The following UNC13C variants were observed in gnomAD, a reference collection of about 807,000 sequenced individuals.
UNC13C encodes protein unc-13 homolog C.
A neutral mutation model predicts 245.4 loss-of-function variants in UNC13C; 174 were observed. The ratio of observed to expected loss-of-function variants is 0.71; its 90% CI spans 0.63 to 0.80. UNC13C has a LOEUF of 0.80. UNC13C is among the 30% of genes least tolerant of loss of function. The pLI is 0.00. For synonymous variants in UNC13C, 992 were observed against 895.1 expected, an observed-to-expected ratio of 1.11 and a Z score of -1.93; for missense variants, 2,829 against 2,602.9, an observed-to-expected ratio of 1.09 and a Z score of -1.89.
upstream of UNC13C, among the ~76,000 whole-genome samples, chr15:53,975,189 T>C (rs1299826361): frequency 6.6e-6 from 1 of 152,230 alleles, no homozygotes; most frequent in Admixed American, 6.5e-5. Flanking sequence ...TGGAAAGCTT[T>C]AATTTAAGAA....
chr15:54,339,804 C>A (rs1335254035), intron 17 of UNC13C, among the ~76,000 whole-genome samples: 1 of 151,930 alleles, frequency 6.6e-6, no homozygotes, highest in Non-Finnish European at 1.5e-5. Context: ...GGGTAGATAC[C>A]CAGTAGTGAG....
chr15:54,457,907 C>CTT (rs904615659), intron 19 of UNC13C, among the ~76,000 whole-genome samples: 10 of 93,956 alleles, frequency 1.1e-4, no homozygotes, highest in African/African-American at 3.5e-4. Context: ...TTTTTTTTTC[C>CTT]TTTTTTTTTT....
At chr15:54,450,459 C>T (rs1299554776) in intron 19 of UNC13C, among the ~76,000 whole-genome samples, 1 of 152,242 alleles carries the variant, frequency 6.6e-6, no homozygotes, top group Non-Finnish European at 1.5e-5. Context: ...CCTACTCAAG[C>T]CTCAGCAATG....
At chr15:53,991,610 G>T (rs1471649731) in intron 1 of UNC13C, among the ~76,000 whole-genome samples, 1 of 151,914 alleles carries the variant, frequency 6.6e-6, no homozygotes, top group Non-Finnish European at 1.5e-5. Context: ...TCTTTTGCTT[G>T]TATAAATTAA....
the UNC13C span, among the ~76,000 whole-genome samples, chr15:53,915,638 GTAAA>G: frequency 6.6e-6 from 1 of 152,156 alleles, no homozygotes; most frequent in Non-Finnish European, 1.5e-5. Flanking sequence ...AATATGATTA[GTAAA>G]TATTTTTAAA....
In UNC13C at chr15:54,620,799, A is replaced by T. The variant is rs1900749652; in HGVS notation, c.6107-1528A>T. ...AGACCCTGTCTCAAAAAAAAAAAAA[A>T]AACCTCTCTCCCAAAAGCAGGCTAT... On this transcript the variant is annotated intron_variant, in intron 30 of 32. Transcript: ENST00000260323. Among the ~76,000 whole-genome samples the T allele has an allele frequency of 2.0e-5, 3 of 151,894 alleles. No homozygotes were observed. The South Asian group carries it at 6.3e-4, about 32-fold the overall frequency.
chr15:54,511,621 A>G, intron 23 of UNC13C, 132 bp from the exon 24 acceptor site: 1 of 618,116 alleles, frequency 1.6e-6, no homozygotes, highest in Non-Finnish European at 2.8e-6. Flanking sequence ...ATGTTGAAAT[A>G]GCAGAATTAG....
At chr15:54,591,799 C>T (rs534127708) in intron 30 of UNC13C, among the ~76,000 whole-genome samples, 1 of 151,946 alleles carries the variant, frequency 6.6e-6, no homozygotes, top group African/African-American at 2.4e-5. Flanking sequence ...GCATTTAGTA[C>T]TGCTCTGATG....
chr15:54,488,008 GCCTC>G (rs757656123), intron 19 of UNC13C, among the ~76,000 whole-genome samples: 11,282 of 150,602 alleles, frequency 0.075, 462 homozygotes, highest in African/African-American at 0.11. Flanking sequence ...ATGATTTCTT[GCCTC>G]CAAAGATATC....
At chr15:54,228,527 G>A (rs1301847831) in intron 4 of UNC13C, among the ~76,000 whole-genome samples, 1 of 152,260 alleles carries the variant, frequency 6.6e-6, no homozygotes, top group Non-Finnish European at 1.5e-5. Context: ...CCTGGCTACG[G>A]CTCCTGATTA....
At chr15:54,339,231 C>T (rs2038667978) in intron 17 of UNC13C, among the ~76,000 whole-genome samples, 1 of 152,188 alleles carries the variant, frequency 6.6e-6, no homozygotes, top group Non-Finnish European at 1.5e-5. Context: ...CAATGAGATA[C>T]AATCTCACAG....
the UNC13C span, among the ~76,000 whole-genome samples, chr15:53,925,764 G>T: frequency 1.3e-5 from 2 of 152,128 alleles, no homozygotes; most frequent in Non-Finnish European, 2.9e-5. Flanking sequence ...ACACTAGCTC[G>T]CAGCCTAATC....
At chr15:54,606,182 A>T (rs1020555528) in intron 30 of UNC13C, among the ~76,000 whole-genome samples, 38 of 152,174 alleles carry the variant, frequency 2.5e-4, no homozygotes, top group Non-Finnish European at 1.5e-4. Context: ...GTCATCTTAG[A>T]TTCTATATTA....
At chr15:53,958,534 C>A in the UNC13C span, among the ~76,000 whole-genome samples, 1 of 152,054 alleles carries the variant, frequency 6.6e-6, no homozygotes, top group Non-Finnish European at 1.5e-5. Context: ...GAGGAGGAAA[C>A]GGAGGACTTG....
chr15:54,266,908 A>G (rs1307604714), intron 10 of UNC13C, among the ~76,000 whole-genome samples: 1 of 152,034 alleles, frequency 6.6e-6, no homozygotes, highest in Non-Finnish European at 1.5e-5. Context: ...ACAATATGGC[A>G]TGTAATGCTT....
chr15:53,968,029 A>C, the UNC13C span: 1 of 152,158 alleles, frequency 6.6e-6, no homozygotes, highest in African/African-American at 2.4e-5. Context: ...TCTGTGTACA[A>C]TGGAGAATGT....
At chr15:53,875,205 T>C in the UNC13C span, among the ~76,000 whole-genome samples, 3 of 152,226 alleles carry the variant, frequency 2.0e-5, no homozygotes, top group East Asian at 5.8e-4. Context: ...ATTTAGCTTA[T>C]TGAAAATGTA....
rs1225349465 is a variant in UNC13C, at chr15:54,586,371, G to A, written c.6106+18424G>A. Among the ~76,000 whole-genome samples, 3 of 152,316 alleles carry A rather than the reference G, an allele frequency of 2.0e-5. No homozygotes were observed. In the East Asian group the frequency reaches 5.8e-4, roughly 29 times the overall value. ...CTGAAAGCCCAAGATGAAGGTGCCA[G>A]TGGGCTTGGTTTTTGGTGAGATTGC... On this transcript the variant is annotated intron_variant, in intron 30 of 32. Coordinates refer to ENST00000260323, the MANE Select transcript of UNC13C (RefSeq NM_001080534.3).
At chr15:54,134,459 T>G (rs1219981219) in intron 2 of UNC13C, among the ~76,000 whole-genome samples, 1 of 152,130 alleles carries the variant, frequency 6.6e-6, no homozygotes, top group Non-Finnish European at 1.5e-5. Context: ...TGTATACACA[T>G]ATATACACAT....
Sources: gnomAD v4.1 joint callset for allele counts (sites outside exome capture counted in the v4.1 genomes callset) on GRCh38, gnomAD v4.1.1 for gene constraint, MANE v1.5 for transcripts, NCBI Gene and HGNC (gene_info 2026-07-23, HGNC 2026-07-21) for gene names.